The following ABITRAM variants were observed in gnomAD, a reference collection of about 807,000 sequenced individuals.
The protein encoded by ABITRAM is actin binding transcription modulator.
In ABITRAM, 19 loss-of-function variants were observed where a neutral mutation model predicts 22.9. The observed-to-expected ratio is 0.83, with a 90% CI of 0.58 to 1.22. The LOEUF (loss-of-function observed/expected upper bound fraction) is 1.22, where lower values mean the gene tolerates loss of function less well. ABITRAM is among the 50% of genes most tolerant of loss of function. The pLI is 0.00. For synonymous variants in ABITRAM, 70 were observed against 73.9 expected, an observed-to-expected ratio of 0.95 and a Z score of 0.27; for missense variants, 215 against 220.2, an observed-to-expected ratio of 0.98 and a Z score of 0.15.
At chr9:108,942,834 G>A, downstream of ABITRAM, 1 of 1,613,498 alleles carries the variant, frequency 6.2e-7, no homozygotes, top group Non-Finnish European at 8.5e-7. Context: ...TCCATCTGAA[G>A]CTGGAAAGAG....
At position 108,939,636 on chromosome 9, in the gene ABITRAM, T is replaced by C. The variant is rs1034990790; in HGVS notation, c.496T>C (p.Tyr166His). 1.2e-6 allele frequency: 2 copies of C among 1,613,944 alleles called. No homozygotes were observed. The highest frequency in any genetic ancestry group is 1.3e-5 in the African/African-American group (1 of 74,906). Reference protein sequence around the residue: ...ITEGLLTQKQYEEVMVKRINA... With the variant: ...ITEGLLTQKQHEEVMVKRINA... ...AGAAGGGTTACTGACACAAAAACAA[T>C]ATGAAGAAGTCATGGTGAAACGCAT... Residue 166 changes from tyrosine to histidine, a missense_variant, in exon 6 of 6, where the codon TAT becomes CAT. Coordinates refer to ENST00000322940, the MANE Select transcript of ABITRAM (RefSeq NM_017832.4).
intron 4 of ABITRAM, 24 bp downstream of exon 4, chr9:108,939,296 T>C (rs898187751): frequency 6.2e-7 from 1 of 1,605,058 alleles, no homozygotes; most frequent in East Asian, 2.2e-5. Flanking sequence ...TAGCCACCAT[T>C]TAGGAGACCA....
At chr9:108,945,076 T>G (rs147019483), downstream of ABITRAM, among the ~76,000 whole-genome samples, 3 of 152,348 alleles carry the variant, frequency 2.0e-5, no homozygotes, top group East Asian at 5.8e-4. Context: ...AAAATCCATG[T>G]CTGTCTCATA....
downstream of ABITRAM, among the ~76,000 whole-genome samples, chr9:108,945,118 T>C (rs370965461): frequency 2.0e-5 from 3 of 152,326 alleles, no homozygotes; most frequent in Admixed American, 6.5e-5. Context: ...ACCTGAAAGC[T>C]GGTAACTCCC....
At chr9:108,949,498 A>T (rs1033389396) in intron 3 of ABITRAM, among the ~76,000 whole-genome samples, 1 of 152,230 alleles carries the variant, frequency 6.6e-6, no homozygotes, top group Non-Finnish European at 1.5e-5. Flanking sequence ...ACTTGAGGTC[A>T]GGAGTTTGAG....
downstream of ABITRAM, chr9:108,943,927 C>G: frequency 6.2e-7 from 1 of 1,607,198 alleles, no homozygotes; most frequent in Non-Finnish European, 8.5e-7. Flanking sequence ...ATACATAATA[C>G]CACCACCAGC....
At chr9:108,939,336 A>AT (rs554132031) in intron 4 of ABITRAM, 49 bp from the exon 5 acceptor site, 8 of 1,587,678 alleles carry the variant, frequency 5.0e-6, no homozygotes, top group South Asian at 3.5e-5. Flanking sequence ...CTTAGAAACA[A>AT]TTTTTTTTAA....
rs1587935550 is a variant in ABITRAM at position 108,939,945 on chromosome 9, G to T, written c.*259G>T. On this transcript the variant is annotated 3_prime_UTR_variant, in exon 6 of 6. Coordinates refer to ENST00000322940, the MANE Select transcript of ABITRAM (RefSeq NM_017832.4). ...ATCTCTCTAACAACTGGCATGCAAGGCATGTTTTTCTGATTAAAAACAAAC... is the reference window on the plus strand; with the variant it reads ...ATCTCTCTAACAACTGGCATGCAAGTCATGTTTTTCTGATTAAAAACAAAC... The T allele has an allele frequency of 2.3e-5, 8 of 353,186 alleles. No homozygotes were observed. Among genetic ancestry groups the T allele is most frequent in the East Asian group, 2.1e-4 (5 of 23,312 alleles). 21.9% of individuals were successfully genotyped at this position (353,186 alleles called of 1,614,324 possible). A position where few individuals can be genotyped will look rare whatever the true frequency, so the allele number is the denominator to read the frequency against.
Position 108,939,366 on chromosome 9 carries a change from TC to T in ABITRAM, c.339-18del. The T allele has an allele frequency of 6.3e-7, 1 of 1,599,326 alleles. No individual in the cohort carries two copies. The highest frequency in any genetic ancestry group is 1.4e-5 in the African/African-American group (1 of 73,768). On this transcript the variant is annotated intron_variant, in intron 4 of 5. Transcript: ENST00000322940. Reference sequence around the variant, plus strand: ...TTTTAACTAAGTAAACATGCTGAAATCTTAAATTTTTTTAATAGTTGTGTTA... The same window carrying T: ...TTTTAACTAAGTAAACATGCTGAAATTTAAATTTTTTTAATAGTTGTGTTA...
chr9:108,939,835 C>G lies in ABITRAM; in HGVS notation c.*149C>G, dbSNP rs1830235463. On this transcript the variant is annotated 3_prime_UTR_variant, in exon 6 of 6. Coordinates refer to ENST00000322940, the MANE Select transcript of ABITRAM (RefSeq NM_017832.4). The stretch of plus-strand genomic sequence containing the variant: ...CCTAGTGCTTCACTTAGTTTTCCCT[C>G]TCTGTCTTCATAATGAGCCTTGGTT... 1 of 886,610 alleles carries G rather than the reference C, an allele frequency of 1.1e-6. No homozygotes were observed. Among genetic ancestry groups the G allele is most frequent in the Non-Finnish European group, 1.7e-6 (1 of 594,816 alleles). The allele number at this position is 886,610 out of a possible 1,614,324, so 54.9% of individuals were successfully genotyped here.
downstream of ABITRAM, chr9:108,942,587 CA>C (rs1196342107): frequency 3.9e-5 from 22 of 565,712 alleles, no homozygotes; most frequent in Non-Finnish European, 6.5e-5. Flanking sequence ...TAGCAATTAC[CA>C]AGACATTTAT....
chr9:108,939,957 G>A lies in ABITRAM; in HGVS notation c.*271G>A, dbSNP rs1830236902. On this transcript the variant is annotated 3_prime_UTR_variant, in exon 6 of 6. Transcript: ENST00000322940. ...ACTGGCATGCAAGGCATGTTTTTCT[G>A]ATTAAAAACAAACAAAGCTCTTTGA... 6.0e-6 allele frequency: 2 copies of A among 332,148 alleles called. No individual in the cohort carries two copies. The highest frequency in any genetic ancestry group is 4.5e-5 in the Admixed American group (1 of 22,204). The allele number at this position is 332,148 out of a possible 1,614,324, so 20.6% of individuals were successfully genotyped here. A position where few individuals can be genotyped will look rare whatever the true frequency, so the allele number is the denominator to read the frequency against.
rs780068485 is a variant in ABITRAM, at chr9:108,935,694, G to A, written c.131+5G>A. On this transcript the variant is annotated splice_donor_5th_base_variant and intron_variant, in intron 2 of 5. Coordinates refer to ENST00000322940, the MANE Select transcript of ABITRAM (RefSeq NM_017832.4). ...TATACTACAGCACTCTAACCGGTAA[G>A]CAAATTGGGAATTTTAAATTATCAA... is the stretch of plus-strand genomic sequence containing the variant. 4 of 1,611,246 alleles carry A rather than the reference G, an allele frequency of 2.5e-6. No individual in the cohort carries two copies. The highest frequency in any genetic ancestry group is 8.5e-7 in the Non-Finnish European group (1 of 1,178,066).
intron 4 of ABITRAM, 54 bp downstream of exon 4, chr9:108,939,326 C>T: frequency 6.3e-7 from 1 of 1,588,600 alleles, no homozygotes; most frequent in Non-Finnish European, 8.5e-7. Flanking sequence ...AATTTTTTTT[C>T]TTAGAAACAA....
At chr9:108,947,308 T>C (rs1830436706) in intron 3 of ABITRAM, among the ~76,000 whole-genome samples, 1 of 152,086 alleles carries the variant, frequency 6.6e-6, no homozygotes, top group South Asian at 2.1e-4. Flanking sequence ...GGAGACAGGG[T>C]TCCACCGTGT....
intron 3 of ABITRAM, chr9:108,948,271 G>C: frequency 6.3e-7 from 1 of 1,581,194 alleles, no homozygotes; most frequent in South Asian, 1.2e-5. Context: ...GTAACAAAAA[G>C]TTATTACCTG....
At chr9:108,945,496 CTG>C (rs1296098053), downstream of ABITRAM, among the ~76,000 whole-genome samples, 2 of 141,982 alleles carry the variant, frequency 1.4e-5, no homozygotes, top group African/African-American at 2.6e-5. Flanking sequence ...GGGTCTCACT[CTG>C]TTGTCCAGAG....
At chr9:108,937,802 A>AC (rs1318755329) in intron 3 of ABITRAM, among the ~76,000 whole-genome samples, 2 of 151,268 alleles carry the variant, frequency 1.3e-5, no homozygotes, top group African/African-American at 4.9e-5. Context: ...AACCTAGGCA[A>AC]CATAACAAGA....
At chr9:108,944,875 T>C (rs1179450175), downstream of ABITRAM, among the ~76,000 whole-genome samples, 1 of 152,174 alleles carries the variant, frequency 6.6e-6, no homozygotes, top group Non-Finnish European at 1.5e-5. Flanking sequence ...TTGCTATCAC[T>C]GGATAAAATG....
Sources: allele counts gnomAD v4.1 joint callset (sites outside exome capture counted in the v4.1 genomes callset), GRCh38; gene constraint gnomAD v4.1.1; transcripts MANE v1.5; gene names NCBI Gene and HGNC (gene_info 2026-07-23, HGNC 2026-07-21).